FYB1: variants seen among roughly 807,000 people sequenced by gnomAD.
FYB1 encodes the protein FYN-binding protein 1.
A neutral mutation model predicts 94.1 loss-of-function variants in FYB1; 41 were observed. The observed-to-expected ratio is 0.44, with a 90% CI of 0.34 to 0.57. The LOEUF is 0.57. Ranked by LOEUF, FYB1 falls within the 20% of genes least tolerant of loss-of-function variation. The pLI is 0.02. For missense variants in FYB1, 1,050 were observed against 976.8 expected, an observed-to-expected ratio of 1.07 and a Z score of -1.00; for synonymous variants, 367 against 353.2, an observed-to-expected ratio of 1.04 and a Z score of -0.44.
At chr5:39,155,305 G>A (rs770443241) in intron 2 of FYB1, among the ~76,000 whole-genome samples, 30 of 152,058 alleles carry the variant, frequency 2.0e-4, no homozygotes, top group Non-Finnish European at 3.4e-4. Context: ...CTTCTTCCTG[G>A]AGTCTTAAAA....
intron 16 of FYB1, chr5:39,110,668 T>C (rs1738985098): frequency 3.2e-6 from 1 of 309,728 alleles, no homozygotes; most frequent in Non-Finnish European, 6.1e-6. Context: ...CTTTTTTCAT[T>C]AAGCTACTGT....
At chr5:39,127,245 A>G (rs1740765071) in intron 11 of FYB1, among the ~76,000 whole-genome samples, 1 of 151,580 alleles carries the variant, frequency 6.6e-6, no homozygotes, top group Admixed American at 6.6e-5. Context: ...TGGTTCTGCC[A>G]TAGGTAGCAT....
At chr5:39,115,098 A>ATTT (rs10652993) in intron 16 of FYB1, among the ~76,000 whole-genome samples, 3,790 of 144,228 alleles carry the variant, frequency 0.026, 166 homozygotes, top group African/African-American at 0.091. Context: ...GAAACACATA[A>ATTT]TTTTTTTTTT....
At chr5:39,172,753 T>C (rs1191265798) in intron 2 of FYB1, among the ~76,000 whole-genome samples, 4 of 152,256 alleles carry the variant, frequency 2.6e-5, no homozygotes, top group African/African-American at 9.6e-5. Flanking sequence ...TTCAGTTCCA[T>C]CCATGTTGCT....
chr5:39,118,853 A>G, intron 16 of FYB1, 21 bp downstream of exon 16: 2 of 1,408,000 alleles, frequency 1.4e-6, no homozygotes, highest in Non-Finnish European at 9.4e-7. Flanking sequence ...TGCACATATT[A>G]TAGTATAAGC....
At chr5:39,185,715 T>A (rs555844003) in intron 2 of FYB1, among the ~76,000 whole-genome samples, 3 of 150,972 alleles carry the variant, frequency 2.0e-5, no homozygotes, top group East Asian at 2.0e-4. Flanking sequence ...CCATGAGGAA[T>A]CCCTAAAAGA....
intron 1 of FYB1, among the ~76,000 whole-genome samples, chr5:39,253,920 T>C (rs940618394): frequency 6.6e-6 from 1 of 152,200 alleles, no homozygotes; most frequent in Non-Finnish European, 1.5e-5. Context: ...CTTGCACTTA[T>C]AAATGAGAAC....
At chr5:39,244,345 G>A (rs1473415955) in intron 1 of FYB1, among the ~76,000 whole-genome samples, 1 of 152,130 alleles carries the variant, frequency 6.6e-6, no homozygotes, top group African/African-American at 2.4e-5. Context: ...AGAGTTTTCA[G>A]CATGAAGGAC....
At chr5:39,235,293 AGTCAGTGCAGGATCTTAAAAAT>A (rs1750911883) in intron 1 of FYB1, among the ~76,000 whole-genome samples, 2 of 151,200 alleles carry the variant, frequency 1.3e-5, no homozygotes, top group Admixed American at 6.6e-5. Flanking sequence ...TTTTTTTCAC[AGTCAGTGCAGGATCTTAAAAAT>A]GTTTTTCTTG....
At chr5:39,135,210 A>T (rs1390814343) in intron 7 of FYB1, among the ~76,000 whole-genome samples, 196 bp from the exon 8 acceptor site, 1 of 152,206 alleles carries the variant, frequency 6.6e-6, no homozygotes, top group East Asian at 1.9e-4. Context: ...GCCAAGCAGG[A>T]CCAGCTAAGA....
chr5:39,244,227 A>C (rs1751359402), intron 1 of FYB1, among the ~76,000 whole-genome samples: 1 of 152,152 alleles, frequency 6.6e-6, no homozygotes, highest in South Asian at 2.1e-4. Context: ...GCCAGTTTTC[A>C]AAGGGAATGC....
rs975068579 is a variant in FYB1 at position 39,174,937 on chromosome 5, A to G, written c.1136-21333T>C. On this transcript the variant is annotated intron_variant, in intron 2 of 18. Coordinates refer to ENST00000512982, the MANE Select transcript of FYB1 (RefSeq NM_001465.6). ...CAGAAGCAGGGAGACCTCTTCTCCC[A>G]TAGAGAAACCAGTGTCTCAGCTTTT... Among the ~76,000 whole-genome samples the G allele has an allele frequency of 1.1e-4, 16 of 152,364 alleles. No individual in the cohort carries two copies. In the East Asian group the frequency reaches 2.9e-3, roughly 28 times the overall value.
chr5:39,181,789 C>T (rs1188397658), intron 2 of FYB1, among the ~76,000 whole-genome samples: 1 of 152,108 alleles, frequency 6.6e-6, no homozygotes, highest in Non-Finnish European at 1.5e-5. Flanking sequence ...ATCTCCAAAC[C>T]CAACCTCTTT....
At chr5:39,171,673 G>A (rs116837375) in intron 2 of FYB1, among the ~76,000 whole-genome samples, 134 of 152,216 alleles carry the variant, frequency 8.8e-4, no homozygotes, top group African/African-American at 3.2e-3. Context: ...ATATACTATC[G>A]TCACCTCCCA....
At chr5:39,209,299 T>A (rs1749142659) in intron 1 of FYB1, among the ~76,000 whole-genome samples, 1 of 151,436 alleles carries the variant, frequency 6.6e-6, no homozygotes, top group African/African-American at 2.4e-5. Context: ...GCAGTGATCT[T>A]TTTTATCCCG....
At chr5:39,259,769 G>C (rs1752137664) in intron 1 of FYB1, among the ~76,000 whole-genome samples, 1 of 152,120 alleles carries the variant, frequency 6.6e-6, no homozygotes, top group African/African-American at 2.4e-5. Context: ...TATTAGGCAG[G>C]AACGTGGGGG....
At position 39,234,811 on chromosome 5, in the gene FYB1, G is replaced by A. The variant is rs181018709; in HGVS notation, c.-27-31824C>T. 7.4e-4 allele frequency among the ~76,000 whole-genome samples: 112 copies of A among 151,956 alleles called. 1 individual carries two copies. In the Middle Eastern group the frequency reaches 0.014, roughly 18 times the overall value. On this transcript the variant is annotated intron_variant, in intron 1 of 1. Coordinates refer to the FYB1 transcript ENST00000510188. ...AGGAACAGAAAACCAAACACCACAT[G>A]TTCTTACTCATAAGTGGGAGTTGAA...
At chr5:39,119,483 T>C in intron 15 of FYB1, 52 bp downstream of exon 15, 3 of 1,293,728 alleles carry the variant, frequency 2.3e-6, no homozygotes, top group Non-Finnish European at 3.1e-6. Context: ...TAAAAATCAT[T>C]GGATTTTTCA....
At chr5:39,171,238 C>T (rs562185044) in intron 2 of FYB1, among the ~76,000 whole-genome samples, 1 of 151,782 alleles carries the variant, frequency 6.6e-6, no homozygotes, top group Non-Finnish European at 1.5e-5. Flanking sequence ...TCTAGTGAGC[C>T]GAGATCGTGC....
Sources: gnomAD v4.1 joint callset for allele counts (sites outside exome capture counted in the v4.1 genomes callset) on GRCh38, gnomAD v4.1.1 for gene constraint, MANE v1.5 for transcripts, NCBI Gene and HGNC (gene_info 2026-07-23, HGNC 2026-07-21) for gene names.